The following BAIAP2 variants were observed in gnomAD, a reference collection of about 807,000 sequenced individuals.
The protein encoded by BAIAP2 is BAR/IMD domain-containing adapter protein 2.
BAIAP2 carries 18 observed loss-of-function variants against 63.0 expected under a neutral mutation model. The ratio of observed to expected loss-of-function variants is 0.29; its 90% CI spans 0.20 to 0.42. The LOEUF is 0.42. BAIAP2 is among the 10% of genes least tolerant of loss of function. The probability of loss-of-function intolerance (pLI) is 1.00; values close to 1 mark genes in which losing one functional copy is unlikely to be tolerated. For synonymous variants in BAIAP2, 386 were observed against 307.6 expected, an observed-to-expected ratio of 1.25 and a Z score of -2.67; for missense variants, 610 against 734.3, an observed-to-expected ratio of 0.83 and a Z score of 1.96.
chr17:81,102,747 A>G (rs1408051607), intron 7 of BAIAP2, among the ~76,000 whole-genome samples: 3 of 152,166 alleles, frequency 2.0e-5, no homozygotes, highest in African/African-American at 7.2e-5. Flanking sequence ...GGGAGCAGTG[A>G]AAGCCGGAGA....
chr17:81,069,329 CG>C (rs1417085818), intron 3 of BAIAP2, among the ~76,000 whole-genome samples: 7 of 152,208 alleles, frequency 4.6e-5, no homozygotes, highest in Non-Finnish European at 1.0e-4. Flanking sequence ...AGCACGCACG[CG>C]GGCACAGATA....
Position 81,115,140 on chromosome 17 carries a change from G to A in BAIAP2, c.1536-630G>A, listed in dbSNP as rs114234976. On this transcript the variant is annotated intron_variant, in intron 13 of 13. Coordinates refer to ENST00000428708, the MANE Select transcript of BAIAP2 (RefSeq NM_001144888.2). ...GTATTTGTGCATCAGCTGTGGCCCC[G>A]GGGATATGGGGGAGGGCGCGGCACC... Among the ~76,000 whole-genome samples, 651 of 152,358 alleles carry A rather than the reference G, an allele frequency of 4.3e-3. 4 individuals are homozygous for A. The highest frequency in any genetic ancestry group is 0.015 in the African/African-American group (622 of 41,584).
Position 81,064,795 on chromosome 17 carries a change from T to A in BAIAP2, c.217+6828T>A, listed in dbSNP as rs903514985. ...ACCTCACAGACGGAAGGGCCTCCCG[T>A]CTTCAGTCAGAGACTGTTTTTTCCC... On this transcript the variant is annotated intron_variant, in intron 3 of 13. Coordinates refer to ENST00000428708, the MANE Select transcript of BAIAP2 (RefSeq NM_001144888.2). Among the ~76,000 whole-genome samples the A allele has an allele frequency of 3.3e-5, 5 of 151,216 alleles. No individual in the cohort carries two copies. In the South Asian group the frequency reaches 1.0e-3, roughly 32 times the overall value.
Position 81,103,929 on chromosome 17 carries a change from C to T in BAIAP2, c.887C>T (p.Thr296Ile). ...CAGCGGATGTCTGCCCAGGAGAGCA[C>T]ACCCATCATGAACGGCGTCACAGGC... is the stretch of plus-strand genomic sequence containing the variant. ...FVGRMSAQES[T>I]PIMNGVTGPD... is the part of the protein sequence containing the mutation. The change falls in exon 9 of 14, where the codon ACA (threonine) becomes ATA (isoleucine). Residue 296 changes from threonine to isoleucine, a missense_variant. By Grantham distance (89) the Thr-to-Ile change is moderately conservative. Transcript: ENST00000428708. The T allele has an allele frequency of 6.2e-7, 1 of 1,613,024 alleles. No individual in the cohort carries two copies. The highest frequency in any genetic ancestry group is 1.1e-5 in the South Asian group (1 of 91,084).
intron 3 of BAIAP2, among the ~76,000 whole-genome samples, chr17:81,067,551 C>G (rs1463541090): frequency 4.7e-5 from 7 of 149,050 alleles, no homozygotes. Flanking sequence ...GCCGCGGCAG[C>G]CAAGTGTGGG....
intron 12 of BAIAP2, 159 bp downstream of exon 12, chr17:81,107,066 A>G: frequency 1.1e-6 from 1 of 896,698 alleles, no homozygotes; most frequent in Non-Finnish European, 1.6e-6. Context: ...GAATGTGTAC[A>G]CACCCCTGCT....
chr17:81,113,474 C>G (rs943111987), intron 13 of BAIAP2, among the ~76,000 whole-genome samples: 1 of 152,230 alleles, frequency 6.6e-6, no homozygotes, highest in African/African-American at 2.4e-5. Flanking sequence ...GCACAGCGAG[C>G]TCCCCGCCGG....
chr17:81,112,198 A>G (rs1325178435), intron 13 of BAIAP2, among the ~76,000 whole-genome samples: 1 of 152,138 alleles, frequency 6.6e-6, no homozygotes, highest in African/African-American at 2.4e-5. Flanking sequence ...AGGGGGCTGA[A>G]CTGCCCTTAC....
rs2060538185 is a variant in BAIAP2, at chr17:81,116,415, A to G, written c.*576A>G. On this transcript the variant is annotated 3_prime_UTR_variant, in exon 14 of 14. Transcript: ENST00000428708. ...GGGCTCTCCTGGGCCCCTCACTCCCACTGGCAATGTCACAAGGGCCTCCCC... is the reference window on the plus strand; with the variant it reads ...GGGCTCTCCTGGGCCCCTCACTCCCGCTGGCAATGTCACAAGGGCCTCCCC... 2.8e-6 allele frequency: 4 copies of G among 1,418,182 alleles called. No homozygotes were observed. Among genetic ancestry groups the G allele is most frequent in the Non-Finnish European group, 3.8e-6 (4 of 1,040,750 alleles). 87.8% of individuals were successfully genotyped at this position (1,418,182 alleles called of 1,614,324 possible).
rs1164511717 is a variant in BAIAP2, at chr17:81,084,816, C to T, written c.218-16C>T. 1 of 1,613,134 alleles carries T rather than the reference C, an allele frequency of 6.2e-7. No homozygotes were observed. Among genetic ancestry groups the T allele is most frequent in the South Asian group, 1.1e-5 (1 of 91,082 alleles). On this transcript the variant is annotated splice_polypyrimidine_tract_variant and intron_variant, in intron 3 of 13. Transcript: ENST00000428708. ...ACCTGACTCCCTCCCCTTCCTTCTG[C>T]TGTTCTGCTTCCCAGGAGACGTTCT...
At chr17:81,062,613 C>T (rs981738659) in intron 3 of BAIAP2, among the ~76,000 whole-genome samples, 3 of 152,128 alleles carry the variant, frequency 2.0e-5, no homozygotes, top group African/African-American at 7.2e-5. Flanking sequence ...GGGTCAGAGC[C>T]CCGTGTTTTC....
At position 81,086,470 on chromosome 17, in the gene BAIAP2, C is replaced by A; in HGVS notation, c.379C>A (p.Gln127Lys). 6.2e-7 allele frequency: 1 copy of A among 1,614,050 alleles called. No homozygotes were observed. Among genetic ancestry groups the A allele is most frequent in the Admixed American group, 1.7e-5 (1 of 60,022 alleles). ...TGCGCTGAAGAAATACCAGACTGAG[C>A]AAAGGAGCAAAGGCGACGCCCTGGA... is the stretch of plus-strand genomic sequence containing the variant. ...SAALKKYQTE[Q>K]RSKGDALDKC... Residue 127 changes from glutamine (Q) to lysine (K), a missense_variant, in exon 6 of 14, where the codon CAA (glutamine) becomes AAA (lysine). Around this residue, in one of 5 missense-constraint regions of BAIAP2, gnomAD observed 389 missense variants for 455.6 expected, o/e 0.85. Transcript: ENST00000428708.
intron 1 of BAIAP2, among the ~76,000 whole-genome samples, chr17:81,044,799 G>C (rs1598495747): frequency 6.6e-6 from 1 of 152,238 alleles, no homozygotes; most frequent in Admixed American, 6.5e-5. Flanking sequence ...GTTTCCACGG[G>C]GACAGCTGAT....
At chr17:81,062,721 T>C (rs1419223788) in intron 3 of BAIAP2, among the ~76,000 whole-genome samples, 1 of 140,592 alleles carries the variant, frequency 7.1e-6, no homozygotes, top group Non-Finnish European at 1.5e-5. Flanking sequence ...GGTTTCTGAG[T>C]GGGTGAACGG....
intron 1 of BAIAP2, among the ~76,000 whole-genome samples, chr17:81,050,401 T>C (rs1318782836): frequency 6.6e-6 from 1 of 150,512 alleles, no homozygotes; most frequent in Non-Finnish European, 1.5e-5. Context: ...GCTCAGCTGC[T>C]GCACTAAGGA....
At chr17:81,057,610 T>C in intron 2 of BAIAP2, 1 of 1,178,810 alleles carries the variant, frequency 8.5e-7, no homozygotes, top group Non-Finnish European at 1.0e-6. Context: ...AGGGATCAGC[T>C]CTCTGCAATT....
rs978778530 is a variant in BAIAP2 at position 81,104,370 on chromosome 17, A to T, written c.1067-144A>T. 3.2e-6 allele frequency: 3 copies of T among 935,572 alleles called. No individual in the cohort carries two copies. In the African/African-American group the frequency reaches 5.0e-5, roughly 15 times the overall value. The allele number at this position is 935,572 out of a possible 1,614,324, so 58.0% of individuals were successfully genotyped here. A position where few individuals can be genotyped will look rare whatever the true frequency, so the allele number is the denominator to read the frequency against. On this transcript the variant is annotated intron_variant, in intron 9 of 13. Coordinates refer to ENST00000428708, the MANE Select transcript of BAIAP2 (RefSeq NM_001144888.2). ...AGGCAGCAGCCACTTGGGAGCAGGTAGCTGCTGCTGCGGAGAGCTTAGCCA... is the reference window on the plus strand; with the variant it reads ...AGGCAGCAGCCACTTGGGAGCAGGTTGCTGCTGCTGCGGAGAGCTTAGCCA...
chr17:81,110,003 G>A (rs1047783615), intron 13 of BAIAP2: 1 of 985,484 alleles, frequency 1.0e-6, no homozygotes. Flanking sequence ...TCGTCTTTTT[G>A]TGTGTCTTGG....
At chr17:81,049,147 C>G (rs111923269) in intron 1 of BAIAP2, among the ~76,000 whole-genome samples, 4 of 152,252 alleles carry the variant, frequency 2.6e-5, no homozygotes, top group Non-Finnish European at 4.4e-5. Context: ...CTGCACGCGC[C>G]GGGCTGCGTT....
Sources: gnomAD v4.1 joint callset for allele counts (sites outside exome capture counted in the v4.1 genomes callset) on GRCh38, gnomAD v4.1.1 for gene constraint, gnomAD v4.1.1 regional missense constraint, MANE v1.5 for transcripts, NCBI Gene and HGNC (gene_info 2026-07-23, HGNC 2026-07-21) for gene names.